The following TRIM9 variants were observed in gnomAD, a reference collection of about 807,000 sequenced individuals.
The protein encoded by TRIM9 is E3 ubiquitin-protein ligase TRIM9.
Under a neutral mutation model 78.3 loss-of-function variants are expected in TRIM9, and 26 were observed. The ratio of observed to expected loss-of-function variants is 0.33; its 90% CI spans 0.24 to 0.46. The LOEUF is 0.46. TRIM9 is among the 20% of genes least tolerant of loss of function. The pLI is 1.00. For synonymous variants in TRIM9, 398 were observed against 416.5 expected (o/e 0.96, Z 0.54); for missense variants, 787 against 1,036.4 (o/e 0.76, Z 3.30).
chr14:51,075,088 T>G (rs1427905522), intron 1 of TRIM9, among the ~76,000 whole-genome samples: 1 of 152,216 alleles, frequency 6.6e-6, no homozygotes, highest in Non-Finnish European at 1.5e-5. Flanking sequence ...TGCCGCTAAC[T>G]GGGACCTTAG....
At chr14:51,030,699 G>A (rs1192444191) in intron 1 of TRIM9, among the ~76,000 whole-genome samples, 1 of 152,100 alleles carries the variant, frequency 6.6e-6, no homozygotes, top group Non-Finnish European at 1.5e-5. Flanking sequence ...GTATGTGTAT[G>A]TATGTGATTG....
rs531019926 is a variant in TRIM9, at chr14:51,048,395, C to T, written c.823-23035G>A. ...AGACAGTGAGCATGGTATCAGGATG[C>T]TGAGTAAGTGTTTCTTTATGCTTTC... On this transcript the variant is annotated intron_variant, in intron 1 of 12. Coordinates refer to ENST00000684578, the MANE Select transcript of TRIM9 (RefSeq NM_001387360.1). 3.3e-5 allele frequency among the ~76,000 whole-genome samples: 5 copies of T among 152,298 alleles called. No individual in the cohort carries two copies. The South Asian group carries it at 6.2e-4, about 19-fold the overall frequency.
intron 1 of TRIM9, among the ~76,000 whole-genome samples, chr14:51,027,716 A>G (rs1001256179): frequency 3.9e-5 from 6 of 152,198 alleles, no homozygotes; most frequent in African/African-American, 1.4e-4. Flanking sequence ...AACTATTAAT[A>G]TTTCCAGGAG....
intron 1 of TRIM9, among the ~76,000 whole-genome samples, chr14:51,046,366 G>A (rs1298537847): frequency 1.3e-5 from 2 of 152,134 alleles, no homozygotes; most frequent in African/African-American, 4.8e-5. Context: ...TTGGGAAATG[G>A]GAATAAAATC....
chr14:51,018,949 T>A (rs2139729633), intron 3 of TRIM9, among the ~76,000 whole-genome samples: 1 of 152,358 alleles, frequency 6.6e-6, no homozygotes, highest in Non-Finnish European at 1.5e-5. Context: ...TTTAAGACAA[T>A]TTCAGGGTTA....
intron 1 of TRIM9, among the ~76,000 whole-genome samples, chr14:51,032,021 T>C (rs2058772364): frequency 6.6e-6 from 1 of 152,222 alleles, no homozygotes; most frequent in African/African-American, 2.4e-5. Flanking sequence ...TTCCCATTCT[T>C]TGTTGTTAGA....
At chr14:51,037,028 C>G (rs1316410399) in intron 1 of TRIM9, among the ~76,000 whole-genome samples, 3 of 152,058 alleles carry the variant, frequency 2.0e-5, no homozygotes, top group Non-Finnish European at 4.4e-5. Flanking sequence ...CTATGCTTCT[C>G]CATTTTGCAA....
At chr14:50,989,916 C>G (rs896244322) in intron 7 of TRIM9, among the ~76,000 whole-genome samples, 2 of 152,152 alleles carry the variant, frequency 1.3e-5, no homozygotes, top group Non-Finnish European at 2.9e-5. Context: ...AAAAAGCAAT[C>G]AAGAATCAAC....
intron 1 of TRIM9, among the ~76,000 whole-genome samples, chr14:51,081,720 T>C (rs2063322520): frequency 6.6e-6 from 1 of 152,196 alleles, no homozygotes; most frequent in Non-Finnish European, 1.5e-5. Flanking sequence ...CGTTTGATAA[T>C]TCACTAGAAT....
intron 1 of TRIM9, among the ~76,000 whole-genome samples, chr14:51,093,377 T>G (rs192006033): frequency 6.6e-6 from 1 of 152,238 alleles, no homozygotes; most frequent in Non-Finnish European, 1.5e-5. Context: ...CCCTAGGAGA[T>G]GCACCTGTCT....
intron 3 of TRIM9, among the ~76,000 whole-genome samples, chr14:51,021,486 G>C (rs1566586545): frequency 6.6e-6 from 1 of 152,128 alleles, no homozygotes; most frequent in Non-Finnish European, 1.5e-5. Context: ...GTCAGCTGTG[G>C]GTATAGCTTA....
chr14:51,035,538 C>G (rs896568533), intron 1 of TRIM9, among the ~76,000 whole-genome samples: 6 of 152,134 alleles, frequency 3.9e-5, no homozygotes, highest in Admixed American at 3.9e-4. Context: ...ATCTAAAGAA[C>G]TGAAAATAAT....
intron 3 of TRIM9, among the ~76,000 whole-genome samples, chr14:51,015,638 C>T (rs1193151824): frequency 1.3e-5 from 2 of 150,426 alleles, no homozygotes; most frequent in Non-Finnish European, 3.0e-5. Context: ...CTCAGCCTCC[C>T]TGGTAGCTGG....
chr14:50,979,303 TC>T (rs1353313750), intron 12 of TRIM9, 83 bp downstream of exon 12: 2 of 1,609,230 alleles, frequency 1.2e-6, no homozygotes, highest in South Asian at 2.2e-5. Context: ...AGCTTCCCTC[TC>T]TTCGGTTGGA....
At chr14:51,057,806 C>T (rs7159320) in intron 1 of TRIM9, among the ~76,000 whole-genome samples, 41,602 of 152,000 alleles carry the variant, frequency 0.27, 6,171 homozygotes, top group African/African-American at 0.38. Context: ...AATCCCTATG[C>T]TTTGATTTTT....
rs573531231 is a variant in TRIM9 at position 51,008,486 on chromosome 14, T to C, written c.1306+594A>G. 1.1e-3 allele frequency among the ~76,000 whole-genome samples: 175 copies of C among 152,384 alleles called. 1 individual carries two copies. The highest frequency in any genetic ancestry group is 1.8e-3 in the Non-Finnish European group (122 of 68,040). On this transcript the variant is annotated intron_variant, in intron 5 of 12. Transcript: ENST00000684578. ...GGTTGGCTTGAGTTGTTATTTTTCTTTGAAAGAGTTGTTTTCCTTAAAATA... is the reference window on the plus strand; with the variant it reads ...GGTTGGCTTGAGTTGTTATTTTTCTCTGAAAGAGTTGTTTTCCTTAAAATA...
intron 5 of TRIM9, among the ~76,000 whole-genome samples, chr14:51,003,783 A>G (rs1321055312): frequency 6.6e-6 from 1 of 152,210 alleles, no homozygotes; most frequent in East Asian, 1.9e-4. Context: ...AGATATTTGC[A>G]TCTGTCTGAA....
chr14:51,088,161 CAT>C (rs1333619695), intron 1 of TRIM9, among the ~76,000 whole-genome samples: 3 of 152,148 alleles, frequency 2.0e-5, no homozygotes, highest in Admixed American at 1.3e-4. Context: ...TTGCTGCAGG[CAT>C]AGTTTTAGGT....
intron 7 of TRIM9, chr14:50,986,599 A>G (rs1387809428): frequency 6.6e-6 from 1 of 152,382 alleles, no homozygotes; most frequent in African/African-American, 2.4e-5. Flanking sequence ...ACTGTTTCCT[A>G]TTCCATATTT....
Sources: gnomAD v4.1 joint callset for allele counts (sites outside exome capture counted in the v4.1 genomes callset) on GRCh38, gnomAD v4.1.1 for gene constraint, MANE v1.5 for transcripts, NCBI Gene and HGNC (gene_info 2026-07-23, HGNC 2026-07-21) for gene names.